The following HS3ST3A1 variants were observed in gnomAD, a reference collection of about 807,000 sequenced individuals.
The protein encoded by HS3ST3A1 is heparan sulfate glucosamine 3-O-sulfotransferase 3A1.
Under a neutral mutation model 25.7 loss-of-function variants are expected in HS3ST3A1, and 19 were observed. That is an observed-to-expected ratio of 0.74 (90% CI 0.52 to 1.08). The LOEUF is 1.08. Ranked by LOEUF, HS3ST3A1 falls within the 50% of genes least tolerant of loss-of-function variation. The pLI is 0.00. For synonymous variants in HS3ST3A1, 226 were observed against 278.6 expected, an observed-to-expected ratio of 0.81 and a Z score of 1.88; for missense variants, 459 against 594.3, an observed-to-expected ratio of 0.77 and a Z score of 2.37.
chr17:13,598,663 C>CT (rs199678513), intron 1 of HS3ST3A1, among the ~76,000 whole-genome samples: 161 of 150,732 alleles, frequency 1.1e-3, no homozygotes, highest in Non-Finnish European at 1.7e-3. Context: ...GTTTATGACT[C>CT]TTTTTTTTTC....
At chr17:13,559,944 C>A (rs1907482926) in intron 1 of HS3ST3A1, among the ~76,000 whole-genome samples, 1 of 151,274 alleles carries the variant, frequency 6.6e-6, no homozygotes, top group African/African-American at 2.4e-5. Flanking sequence ...ATTCTTTGAT[C>A]CTCTAAATTT....
rs1265266638 is a variant in HS3ST3A1 at position 13,595,844 on chromosome 17, TTGG to T, written c.599+4684_599+4686del. On this transcript the variant is annotated intron_variant, in intron 1 of 1. Transcript: ENST00000284110. ...TGTCCCGGAGAGATACGAGGCCTTT[TTGG>T]TTGTTGTTGTTGTTGTTGTTGTTGT... 7.3e-3 allele frequency among the ~76,000 whole-genome samples: 402 copies of T among 54,874 alleles called. 4 individuals carry two copies. The highest frequency in any genetic ancestry group is 0.023 in the African/African-American group (359 of 15,740). The allele number at this position is 54,874 out of a possible 152,430, so 36.0% of individuals were successfully genotyped here. A position where few individuals can be genotyped will look rare whatever the true frequency, so the allele number is the denominator to read the frequency against.
At chr17:13,513,339 G>C (rs1280971829) in intron 1 of HS3ST3A1, among the ~76,000 whole-genome samples, 1 of 152,176 alleles carries the variant, frequency 6.6e-6, no homozygotes, top group African/African-American at 2.4e-5. Flanking sequence ...GCTAGGCTCT[G>C]GGGGGAGCAG....
intron 1 of HS3ST3A1, among the ~76,000 whole-genome samples, chr17:13,516,845 C>T (rs977967996): frequency 6.6e-6 from 1 of 152,056 alleles, no homozygotes; most frequent in Non-Finnish European, 1.5e-5. Context: ...TGCCACTACG[C>T]CCGGCTAATT....
chr17:13,508,470 T>C (rs1413177028), intron 1 of HS3ST3A1, among the ~76,000 whole-genome samples: 2 of 152,188 alleles, frequency 1.3e-5, no homozygotes, highest in Non-Finnish European at 1.5e-5. Context: ...ATCCTTTATG[T>C]TTCTGTTGGA....
At chr17:13,584,312 A>C (rs1360976359) in intron 1 of HS3ST3A1, among the ~76,000 whole-genome samples, 4 of 152,104 alleles carry the variant, frequency 2.6e-5, no homozygotes, top group Non-Finnish European at 4.4e-5. Flanking sequence ...GCTTTTACCA[A>C]AATGTTCACG....
chr17:13,580,468 G>C (rs1462508379), intron 1 of HS3ST3A1, among the ~76,000 whole-genome samples: 1 of 151,974 alleles, frequency 6.6e-6, no homozygotes. Flanking sequence ...ACTGTACCCT[G>C]TTTATACATT....
At chr17:13,557,381 A>G (rs1907411871) in intron 1 of HS3ST3A1, among the ~76,000 whole-genome samples, 1 of 152,208 alleles carries the variant, frequency 6.6e-6, no homozygotes, top group South Asian at 2.1e-4. Flanking sequence ...TTACAAAATT[A>G]AAAGAAAAAG....
intron 1 of HS3ST3A1, among the ~76,000 whole-genome samples, chr17:13,561,736 C>T (rs186008971): frequency 6.6e-6 from 1 of 152,212 alleles, no homozygotes; most frequent in Admixed American, 6.5e-5. Context: ...GTCAGACCTC[C>T]CACCAGGCTG....
At position 13,601,124 on chromosome 17, in the gene HS3ST3A1, G is replaced by A. The variant is rs746945810; in HGVS notation, c.6C>T (p.Ala2=). ...AGAGGGCACTGGCCGGGCCCGGAGG[G>A]GCCATCCTAGCCGGAGGCGACGTCG... The part of the protein sequence containing the change: M[A]PPGPASALST... The change falls in exon 1 of 2, where the codon GCC becomes GCT. Residue 2 remains alanine (A), a synonymous_variant. Transcript: ENST00000284110. 62 of 1,553,676 alleles carry A rather than the reference G, an allele frequency of 4.0e-5. No individual in the cohort carries two copies. The South Asian group carries it at 6.6e-4, about 17-fold the overall frequency.
At chr17:13,502,345 C>T (rs560650736) in intron 1 of HS3ST3A1, among the ~76,000 whole-genome samples, 2 of 152,256 alleles carry the variant, frequency 1.3e-5, no homozygotes, top group South Asian at 2.1e-4. Flanking sequence ...ATGGCTGTGC[C>T]TTAACGATGG....
intron 1 of HS3ST3A1, among the ~76,000 whole-genome samples, chr17:13,526,635 TTTTTA>T (rs972264528): frequency 1.3e-5 from 2 of 150,828 alleles, no homozygotes; most frequent in African/African-American, 2.4e-5. Flanking sequence ...GGTCATTTTC[TTTTTA>T]TTTTATTTTA....
chr17:13,570,948 C>T (rs569123353), intron 1 of HS3ST3A1, among the ~76,000 whole-genome samples: 134 of 152,196 alleles, frequency 8.8e-4, no homozygotes, highest in African/African-American at 2.8e-3. Flanking sequence ...GAAACTGAGA[C>T]GCAGGCATTT....
chr17:13,589,313 A>C (rs968161930), intron 1 of HS3ST3A1, among the ~76,000 whole-genome samples: 1 of 152,180 alleles, frequency 6.6e-6, no homozygotes, highest in African/African-American at 2.4e-5. Context: ...CCTGTTCTCC[A>C]ATTTGCCACC....
intron 1 of HS3ST3A1, among the ~76,000 whole-genome samples, chr17:13,575,693 G>A (rs139776648): frequency 6.6e-6 from 1 of 152,296 alleles, no homozygotes; most frequent in Non-Finnish European, 1.5e-5. Context: ...AAAATAATGA[G>A]CTGATAATTG....
chr17:13,593,539 C>T (rs1269520331), intron 1 of HS3ST3A1, among the ~76,000 whole-genome samples: 1 of 152,128 alleles, frequency 6.6e-6, no homozygotes, highest in Non-Finnish European at 1.5e-5. Context: ...CTGGAAGCAA[C>T]AGGTGCGGGG....
chr17:13,559,037 T>C (rs1907455143), intron 1 of HS3ST3A1, among the ~76,000 whole-genome samples: 1 of 152,354 alleles, frequency 6.6e-6, no homozygotes, highest in African/African-American at 2.4e-5. Flanking sequence ...ATCTCAGCTA[T>C]GCCCTTGTAC....
chr17:13,584,738 CT>C (rs1212776656), intron 1 of HS3ST3A1, among the ~76,000 whole-genome samples: 1 of 152,162 alleles, frequency 6.6e-6, no homozygotes, highest in African/African-American at 2.4e-5. Flanking sequence ...ATTCTAAACC[CT>C]CTTTTCATCT....
At chr17:13,505,784 G>A (rs1905645432) in intron 1 of HS3ST3A1, among the ~76,000 whole-genome samples, 1 of 152,074 alleles carries the variant, frequency 6.6e-6, no homozygotes, top group South Asian at 2.1e-4. Flanking sequence ...CCAGCACTTT[G>A]GGAGGCAGAT....
Sources: gnomAD v4.1 joint callset for allele counts (sites outside exome capture counted in the v4.1 genomes callset) on GRCh38, gnomAD v4.1.1 for gene constraint, MANE v1.5 for transcripts, NCBI Gene and HGNC (gene_info 2026-07-23, HGNC 2026-07-21) for gene names.